Variants in BBS5 observed in about 807,000 individuals in gnomAD.
BBS5 encodes BBSome complex member BBS5.
Under a neutral mutation model 50.2 loss-of-function variants are expected in BBS5, and 39 were observed. The observed-to-expected ratio is 0.78, with a 90% CI of 0.60 to 1.01. The LOEUF (loss-of-function observed/expected upper bound fraction) is 1.01. BBS5 is among the 50% of genes least tolerant of loss of function. BBS5 has a pLI of 0.00. For synonymous variants in BBS5, 134 were observed against 133.1 expected (o/e 1.01, Z -0.05); for missense variants, 356 against 401.5 (o/e 0.89, Z 0.97).
intron 8 of BBS5, 179 bp from the exon 9 acceptor site, chr2:169,499,307 C>A: frequency 1.6e-6 from 1 of 608,720 alleles, no homozygotes; most frequent in Admixed American, 3.1e-5. Context: ...TGGAGGCCCC[C>A]TTGTGCTCTT....
At chr2:169,503,032 T>A in intron 9 of BBS5, 63 bp from the exon 10 acceptor site, 2 of 1,154,972 alleles carry the variant, frequency 1.7e-6, no homozygotes, top group Non-Finnish European at 2.6e-6. Context: ...TTAACAGTAT[T>A]TGCAGTTCTC....
At chr2:169,499,224 G>A (rs1683752888) in intron 8 of BBS5, 1 of 420,472 alleles carries the variant, frequency 2.4e-6, no homozygotes, top group South Asian at 2.5e-5. Flanking sequence ...ATGGTGTTCA[G>A]GTGAGGGCGA....
At chr2:169,493,053 GT>G in intron 6 of BBS5, 44 bp downstream of exon 6, 1 of 1,606,856 alleles carries the variant, frequency 6.2e-7, no homozygotes, top group South Asian at 1.1e-5. Context: ...CAGTGTTTTG[GT>G]AATCATTTTT....
intron 6 of BBS5, 44 bp downstream of exon 6, chr2:169,493,053 G>A (rs1458955369): frequency 1.9e-6 from 3 of 1,606,856 alleles, no homozygotes; most frequent in Non-Finnish European, 8.5e-7. Context: ...CAGTGTTTTG[G>A]TAATCATTTT....
rs1683836738 is a variant in BBS5, at chr2:169,503,001, T to C, written c.817-94T>C. 5 of 896,806 alleles carry C rather than the reference T, an allele frequency of 5.6e-6. No individual in the cohort carries two copies. In the African/African-American group the frequency reaches 6.6e-5, roughly 12 times the overall value. 55.6% of individuals were successfully genotyped at this position (896,806 alleles called of 1,614,324 possible). A position where few individuals can be genotyped will look rare whatever the true frequency, so the allele number is the denominator to read the frequency against. Reference sequence around the variant, plus strand: ...TTATACCGTGATTTTTATAAGACTTTAGTAGTTTGTAATTGTTATTTTAAC... The same window carrying C: ...TTATACCGTGATTTTTATAAGACTTCAGTAGTTTGTAATTGTTATTTTAAC... On this transcript the variant is annotated intron_variant, in intron 9 of 11. Transcript: ENST00000295240.
At chr2:169,493,923 T>G in intron 7 of BBS5, 87 bp downstream of exon 7, 1 of 846,638 alleles carries the variant, frequency 1.2e-6, no homozygotes, top group Non-Finnish European at 1.9e-6. Flanking sequence ...GATGAGTTCT[T>G]TCTCCCTTTT....
At chr2:169,497,139 G>A (rs1466706480) in intron 7 of BBS5, among the ~76,000 whole-genome samples, 4 of 152,246 alleles carry the variant, frequency 2.6e-5, no homozygotes, top group Admixed American at 6.5e-5. Context: ...AGGCAGCATA[G>A]TGAGACCCCT....
At chr2:169,498,930 C>T (rs1268551965) in intron 8 of BBS5, 1 of 155,100 alleles carries the variant, frequency 6.4e-6, no homozygotes, top group Non-Finnish European at 1.4e-5. Context: ...AGAACATATA[C>T]TCTCACCTAT....
chr2:169,492,501 A>C (rs1331769653), intron 5 of BBS5, among the ~76,000 whole-genome samples: 1 of 152,072 alleles, frequency 6.6e-6, no homozygotes, highest in African/African-American at 2.4e-5. Context: ...AAAAAAAAAA[A>C]AATAGGTTAT....
At chr2:169,485,847 G>A (rs1194098380) in intron 2 of BBS5, among the ~76,000 whole-genome samples, 1 of 152,214 alleles carries the variant, frequency 6.6e-6, no homozygotes, top group African/African-American at 2.4e-5. Flanking sequence ...TTCCTTCCCA[G>A]TGAAGGGTTG....
chr2:169,502,894 T>C (rs1456310900), intron 9 of BBS5, among the ~76,000 whole-genome samples: 2 of 152,222 alleles, frequency 1.3e-5, no homozygotes, highest in Non-Finnish European at 2.9e-5. Context: ...CTGGTTCTTT[T>C]CGTGATGCTG....
At chr2:169,491,292 G>T (rs1216910362) in intron 5 of BBS5, among the ~76,000 whole-genome samples, 1 of 152,100 alleles carries the variant, frequency 6.6e-6, no homozygotes, top group Non-Finnish European at 1.5e-5. Flanking sequence ...AACACTATGT[G>T]CTTCCCCCCC....
rs1683880159 is a variant in BBS5 at position 169,505,070 on chromosome 2, T to C, written c.*488T>C. ...AACCTCCCTGCCTGATTCTCCTGCC[T>C]CAGCCTGCCGAGTGCCTGCGATTAC... is the stretch of plus-strand genomic sequence containing the variant. On this transcript the variant is annotated 3_prime_UTR_variant, in exon 12 of 12. Coordinates refer to ENST00000295240, the MANE Select transcript of BBS5 (RefSeq NM_152384.3). 2.2e-6 allele frequency: 3 copies of C among 1,353,742 alleles called. No individual in the cohort carries two copies. Among genetic ancestry groups the C allele is most frequent in the Middle Eastern group, 1.8e-4 (1 of 5,530 alleles). 83.9% of individuals were successfully genotyped at this position (1,353,742 alleles called of 1,614,324 possible).
At chr2:169,501,018 T>G (rs577559607) in intron 9 of BBS5, among the ~76,000 whole-genome samples, 1 of 152,198 alleles carries the variant, frequency 6.6e-6, no homozygotes, top group East Asian at 1.9e-4. Context: ...TAGTTGAGCA[T>G]CCCAAATGCT....
chr2:169,489,875 T>C (rs1342947772), intron 5 of BBS5, among the ~76,000 whole-genome samples: 1 of 28,360 alleles, frequency 3.5e-5, no homozygotes, highest in Non-Finnish European at 8.7e-5. Flanking sequence ...TTTTTTTTTT[T>C]TTTTTTTTTT....
At chr2:169,482,423 T>A (rs570736458) in intron 2 of BBS5, 90 bp downstream of exon 2, 2 of 888,186 alleles carry the variant, frequency 2.3e-6, no homozygotes, top group Non-Finnish European at 3.8e-6. Flanking sequence ...AACAGCATCA[T>A]TTGTCAGTGT....
At position 169,492,900 on chromosome 2, in the gene BBS5, G is replaced by A. The variant is rs179363897; in HGVS notation, c.413G>A (p.Arg138His). ...HRAYETSKMY[R>H]DFKLRSALIQ... is the part of the protein sequence containing the mutation. ...GCTTATGAAACTTCTAAAATGTATC[G>A]TGATTTTAAATTAAGAAGTGCACTA... Residue 138 changes from arginine to histidine, a missense_variant, in exon 6 of 12, where the codon CGT becomes CAT. Physicochemically the swap from Arg to His is conservative, Grantham distance 29. Coordinates refer to ENST00000295240, the MANE Select transcript of BBS5 (RefSeq NM_152384.3). The A allele has an allele frequency of 5.6e-6, 9 of 1,612,170 alleles. No individual in the cohort carries two copies. The highest frequency in any genetic ancestry group is 2.7e-5 in the African/African-American group (2 of 74,920).
intron 1 of BBS5, 42 bp from the exon 2 acceptor site, chr2:169,482,209 A>G: frequency 8.3e-7 from 1 of 1,211,160 alleles, no homozygotes; most frequent in Non-Finnish European, 1.2e-6. Context: ...GCAAGCAGGT[A>G]TAGTTGTAGC....
chr2:169,497,773 C>T, intron 8 of BBS5, 84 bp downstream of exon 8: 1 of 850,102 alleles, frequency 1.2e-6, no homozygotes. Flanking sequence ...ATATAGTAAT[C>T]AGTTTACATC....
Sources: allele counts gnomAD v4.1 joint callset (sites outside exome capture counted in the v4.1 genomes callset), GRCh38; gene constraint gnomAD v4.1.1; transcripts MANE v1.5; gene names NCBI Gene and HGNC (gene_info 2026-07-23, HGNC 2026-07-21).